Variants in CDH8 observed in about 807,000 individuals in gnomAD.
CDH8 encodes the protein cadherin-8.
In CDH8, 17 loss-of-function variants were observed where a neutral mutation model predicts 68.1. The ratio of observed to expected loss-of-function variants is 0.25; its 90% CI spans 0.17 to 0.37. CDH8 has a LOEUF of 0.37. Ranked by LOEUF, CDH8 falls within the 10% of genes least tolerant of loss-of-function variation. The pLI is 1.00. For missense variants in CDH8, 763 were observed against 999.3 expected (o/e 0.76, Z 3.19); for synonymous variants, 372 against 365.1 (o/e 1.02, Z -0.21).
chr16:62,004,945 A>G (rs1470216071), intron 2 of CDH8, among the ~76,000 whole-genome samples: 1 of 152,240 alleles, frequency 6.6e-6, no homozygotes, highest in Non-Finnish European at 1.5e-5. Context: ...TTTACAGAGT[A>G]GCAGAAGGAG....
chr16:61,790,597 G>C (rs545866398), intron 7 of CDH8, among the ~76,000 whole-genome samples: 1 of 152,084 alleles, frequency 6.6e-6, no homozygotes, highest in South Asian at 2.1e-4. Context: ...CTGAAGCATG[G>C]TCCATGCCAG....
chr16:61,697,803 T>A (rs1001237397), intron 10 of CDH8, among the ~76,000 whole-genome samples: 2 of 152,112 alleles, frequency 1.3e-5, no homozygotes, highest in Middle Eastern at 3.4e-3. Flanking sequence ...TTCTGGGGAG[T>A]TTTTTTGTTT....
At chr16:61,967,571 G>A (rs1965273473) in intron 2 of CDH8, among the ~76,000 whole-genome samples, 1 of 152,152 alleles carries the variant, frequency 6.6e-6, no homozygotes. Context: ...ATTCATTTAT[G>A]TTTCATGTAC....
At chr16:61,864,224 T>C (rs1156758050) in intron 3 of CDH8, among the ~76,000 whole-genome samples, 1 of 152,208 alleles carries the variant, frequency 6.6e-6, no homozygotes, top group Non-Finnish European at 1.5e-5. Flanking sequence ...GGGATACTTC[T>C]GTACTGACTG....
chr16:61,809,134 C>T (rs966449864), intron 7 of CDH8, among the ~76,000 whole-genome samples: 1 of 150,890 alleles, frequency 6.6e-6, no homozygotes, highest in African/African-American at 2.4e-5. Flanking sequence ...TGCTGTGAGC[C>T]GAGATCGAGC....
chr16:61,969,930 C>T (rs1195987687), intron 2 of CDH8, among the ~76,000 whole-genome samples: 1 of 152,174 alleles, frequency 6.6e-6, no homozygotes, highest in Non-Finnish European at 1.5e-5. Context: ...GAAATCTGTT[C>T]TCTTAGTTTG....
intron 2 of CDH8, among the ~76,000 whole-genome samples, chr16:61,990,446 C>A (rs1965696114): frequency 6.6e-6 from 1 of 151,428 alleles, no homozygotes; most frequent in South Asian, 2.1e-4. Context: ...TCTGCCTTGG[C>A]CTCCCAAAGT....
intron 8 of CDH8, among the ~76,000 whole-genome samples, chr16:61,740,075 T>C (rs1959823191): frequency 6.6e-6 from 1 of 151,512 alleles, no homozygotes; most frequent in Non-Finnish European, 1.5e-5. Context: ...GCCCGGCTAA[T>C]TTTTTGAATT....
At chr16:61,803,265 C>A (rs1596982295) in intron 7 of CDH8, among the ~76,000 whole-genome samples, 2 of 126,914 alleles carry the variant, frequency 1.6e-5, no homozygotes, top group African/African-American at 3.6e-5. Flanking sequence ...CAAGCAAATG[C>A]TGAGAGACTT....
chr16:62,010,584 G>T (rs1901783286), intron 2 of CDH8, among the ~76,000 whole-genome samples: 1 of 152,100 alleles, frequency 6.6e-6, no homozygotes, highest in African/African-American at 2.4e-5. Context: ...TTAATAAATT[G>T]TCAGCCATAT....
In CDH8 at chr16:61,740,888, C is replaced by T. The variant is rs558399954; in HGVS notation, c.1415-13673G>A. Among the ~76,000 whole-genome samples, 23 of 152,144 alleles carry T rather than the reference C, an allele frequency of 1.5e-4. 1 individual carries two copies. The highest frequency in any genetic ancestry group is 5.3e-4 in the African/African-American group (22 of 41,540). ...TTCTGATGCAAAAATATATTAATTT[C>T]TGTATATTACATATTTCAATATCCT... On this transcript the variant is annotated intron_variant, in intron 8 of 11. Coordinates refer to ENST00000577390, the MANE Select transcript of CDH8 (RefSeq NM_001796.5).
intron 1 of CDH8, 95 bp from the exon 2 acceptor site, chr16:62,021,697 T>G: frequency 1.8e-6 from 1 of 542,912 alleles, no homozygotes; most frequent in African/African-American, 1.9e-5. Flanking sequence ...TGAACAATAG[T>G]AGGCACTTCT....
intron 2 of CDH8, among the ~76,000 whole-genome samples, chr16:61,979,696 T>C (rs1371110058): frequency 2.0e-5 from 3 of 152,080 alleles, no homozygotes; most frequent in Non-Finnish European, 1.5e-5. Context: ...TCAGCCACTG[T>C]TCTAATCAGT....
intron 2 of CDH8, among the ~76,000 whole-genome samples, chr16:61,964,191 T>C (rs1483433371): frequency 1.3e-5 from 2 of 152,172 alleles, no homozygotes; most frequent in African/African-American, 2.4e-5. Context: ...ACATCTCTTG[T>C]ATTAAACACT....
intron 9 of CDH8, among the ~76,000 whole-genome samples, chr16:61,721,386 A>C (rs1344545592): frequency 6.6e-6 from 1 of 150,968 alleles, no homozygotes; most frequent in Non-Finnish European, 1.5e-5. Context: ...GCCTGCTGGC[A>C]GGAAAGCTAA....
chr16:61,676,895 A>G (rs1963923243), intron 10 of CDH8, among the ~76,000 whole-genome samples: 1 of 151,984 alleles, frequency 6.6e-6, no homozygotes, highest in African/African-American at 2.4e-5. Flanking sequence ...GAGATAAGAA[A>G]ACTTTGTAGG....
chr16:61,775,643 G>A (rs1166797297), intron 8 of CDH8, among the ~76,000 whole-genome samples: 1 of 151,952 alleles, frequency 6.6e-6, no homozygotes, highest in East Asian at 1.9e-4. Context: ...GTAACATTGA[G>A]AACATAATTA....
intron 8 of CDH8, among the ~76,000 whole-genome samples, chr16:61,738,402 A>G (rs1959765288): frequency 6.6e-6 from 1 of 152,136 alleles, no homozygotes; most frequent in Non-Finnish European, 1.5e-5. Flanking sequence ...CTACGTATCT[A>G]CAATGAACCC....
chr16:61,736,075 G>A (rs11075437), intron 8 of CDH8, among the ~76,000 whole-genome samples: 4,900 of 131,776 alleles, frequency 0.037, 361 homozygotes, highest in East Asian at 0.25. Flanking sequence ...CCATCTCAAA[G>A]ACAAATGAAA....
Sources: gnomAD v4.1 joint callset for allele counts (sites outside exome capture counted in the v4.1 genomes callset) on GRCh38, gnomAD v4.1.1 for gene constraint, MANE v1.5 for transcripts, NCBI Gene and HGNC (gene_info 2026-07-23, HGNC 2026-07-21) for gene names.